The following EPHA4 variants were observed in gnomAD, a reference collection of about 807,000 sequenced individuals.
EPHA4 encodes ephrin type-A receptor 4.
In EPHA4, 19 loss-of-function variants were observed where a neutral mutation model predicts 108.3. The observed-to-expected ratio is 0.18, with a 90% CI of 0.12 to 0.26. EPHA4 has a LOEUF of 0.26. Among genes scored for constraint, EPHA4 ranks in the 10% least tolerant of loss-of-function variants. The pLI is 1.00. For synonymous variants in EPHA4, 449 were observed against 455.5 expected (o/e 0.99, Z 0.18); for missense variants, 917 against 1,254.0 (o/e 0.73, Z 4.06).
chr2:221,518,533 T>G (rs1693055900), intron 3 of EPHA4, among the ~76,000 whole-genome samples: 1 of 152,206 alleles, frequency 6.6e-6, no homozygotes, highest in South Asian at 2.1e-4. Context: ...ACCACAAATA[T>G]GTAGACTAAG....
At position 221,519,065 on chromosome 2, in the gene EPHA4, G is replaced by A. The variant is rs999949607; in HGVS notation, c.824-17893C>T. 3.9e-5 allele frequency among the ~76,000 whole-genome samples: 6 copies of A among 152,288 alleles called. No individual in the cohort carries two copies. In the East Asian group the frequency reaches 1.2e-3, roughly 29 times the overall value. On this transcript the variant is annotated intron_variant, in intron 3 of 17. Coordinates refer to ENST00000281821, the MANE Select transcript of EPHA4 (RefSeq NM_004438.5). ...AATCTTATCAAAGGCAGCCTTGGGA[G>A]CTCAGGCAGATAGGATAAGAGATAA...
chr2:221,540,140 G>A (rs140572007), intron 3 of EPHA4, among the ~76,000 whole-genome samples: 3 of 152,190 alleles, frequency 2.0e-5, no homozygotes, highest in East Asian at 1.9e-4. Context: ...GGCTGGTCTC[G>A]AAATCCTGAC....
intron 2 of EPHA4, among the ~76,000 whole-genome samples, chr2:221,568,356 G>C (rs1488421298): frequency 6.6e-6 from 1 of 151,908 alleles, no homozygotes; most frequent in Non-Finnish European, 1.5e-5. Flanking sequence ...CAGGACAATT[G>C]CTCTTAAATT....
intron 4 of EPHA4, among the ~76,000 whole-genome samples, chr2:221,493,315 C>CAT (rs1436072676): frequency 1.3e-5 from 2 of 152,106 alleles, no homozygotes; most frequent in Non-Finnish European, 2.9e-5. Flanking sequence ...CTAGACATCC[C>CAT]TCCCCAAATC....
At chr2:221,443,673 G>A (rs1690502362) in intron 9 of EPHA4, 67 bp from the exon 10 acceptor site, 1 of 1,178,024 alleles carries the variant, frequency 8.5e-7, no homozygotes, top group Admixed American at 1.8e-5. Flanking sequence ...TAAATAGTCT[G>A]GGTCTAAAAT....
intron 3 of EPHA4, among the ~76,000 whole-genome samples, chr2:221,518,043 G>A (rs1693041581): frequency 6.6e-6 from 1 of 152,216 alleles, no homozygotes; most frequent in Non-Finnish European, 1.5e-5. Context: ...GGTGTGGGCA[G>A]CGCAGTGTTG....
intron 3 of EPHA4, among the ~76,000 whole-genome samples, chr2:221,551,439 A>G (rs1694158584): frequency 6.6e-6 from 1 of 152,146 alleles, no homozygotes; most frequent in African/African-American, 2.4e-5. Context: ...AGTTGCAATA[A>G]AAGTTATGAT....
chr2:221,542,614 C>T (rs967905085), intron 3 of EPHA4, among the ~76,000 whole-genome samples: 1 of 152,156 alleles, frequency 6.6e-6, no homozygotes, highest in Non-Finnish European at 1.5e-5. Flanking sequence ...TATATAAAAA[C>T]AATCAGCCTC....
At position 221,571,891 on chromosome 2, in the gene EPHA4, C is replaced by T. The variant is rs2106217338; in HGVS notation, c.91+267G>A. Among the ~76,000 whole-genome samples, 1 of 152,334 alleles carries T rather than the reference C, an allele frequency of 6.6e-6. No homozygotes were observed. Among genetic ancestry groups the T allele is most frequent in the South Asian group, 2.1e-4 (1 of 4,830 alleles). On this transcript the variant is annotated intron_variant, in intron 1 of 17. Coordinates refer to ENST00000281821, the MANE Select transcript of EPHA4 (RefSeq NM_004438.5). The surrounding 1 kb of genome is among the most constrained non-coding windows in gnomAD (Gnocchi z 6.3). ...CCCTCAGGGCGCCTCGAGCGGGCCTCTCTGGCGGATGCTGATAAACTTTGG... is the reference window on the plus strand; with the variant it reads ...CCCTCAGGGCGCCTCGAGCGGGCCTTTCTGGCGGATGCTGATAAACTTTGG...
intron 3 of EPHA4, among the ~76,000 whole-genome samples, chr2:221,558,397 C>T (rs1694361937): frequency 6.6e-6 from 1 of 151,894 alleles, no homozygotes; most frequent in Non-Finnish European, 1.5e-5. Flanking sequence ...AGCATGCAGT[C>T]CTTTGCTAAT....
At chr2:221,496,088 C>T (rs1449329960) in intron 4 of EPHA4, among the ~76,000 whole-genome samples, 1 of 152,122 alleles carries the variant, frequency 6.6e-6, no homozygotes, top group Non-Finnish European at 1.5e-5. Flanking sequence ...TGCTGCTTCC[C>T]ATCCCCACAT....
chr2:221,514,681 A>G (rs1692938406), intron 3 of EPHA4, among the ~76,000 whole-genome samples: 1 of 152,202 alleles, frequency 6.6e-6, no homozygotes, highest in Non-Finnish European at 1.5e-5. Context: ...GGCATGCAGG[A>G]GAAATACCAA....
intron 2 of EPHA4, 61 bp downstream of exon 2, chr2:221,568,657 T>C (rs1327593571): frequency 1.1e-5 from 16 of 1,405,672 alleles, no homozygotes; most frequent in Non-Finnish European, 1.6e-5. Context: ...ATTAGGACTC[T>C]CAGAAAGTTG....
chr2:221,450,649 A>G (rs1690752391), intron 8 of EPHA4, among the ~76,000 whole-genome samples: 1 of 151,934 alleles, frequency 6.6e-6, no homozygotes, highest in South Asian at 2.1e-4. Context: ...AGTACCTAAT[A>G]TATATATATA....
intron 3 of EPHA4, among the ~76,000 whole-genome samples, chr2:221,517,870 T>C (rs1693036536): frequency 6.6e-6 from 1 of 152,140 alleles, no homozygotes; most frequent in Non-Finnish European, 1.5e-5. Context: ...CACACCTTGA[T>C]AGCAGCTGCA....
At chr2:221,473,992 G>A (rs778321235) in intron 5 of EPHA4, among the ~76,000 whole-genome samples, 2 of 152,124 alleles carry the variant, frequency 1.3e-5, no homozygotes, top group African/African-American at 2.4e-5. Flanking sequence ...AAGGACTCAG[G>A]AAAAATAGTG....
At chr2:221,538,409 A>T (rs996581776) in intron 3 of EPHA4, among the ~76,000 whole-genome samples, 1 of 152,238 alleles carries the variant, frequency 6.6e-6, no homozygotes, top group Non-Finnish European at 1.5e-5. Flanking sequence ...GTGTAATGTC[A>T]CTTTTCTGGA....
At chr2:221,440,660 C>T (rs1315201608) in intron 11 of EPHA4, among the ~76,000 whole-genome samples, 2 of 147,468 alleles carry the variant, frequency 1.4e-5, no homozygotes, top group African/African-American at 5.0e-5. Flanking sequence ...GTACCTACTT[C>T]TTAAGACATA....
intron 4 of EPHA4, among the ~76,000 whole-genome samples, chr2:221,484,473 T>A (rs1361775110): frequency 1.3e-5 from 2 of 152,148 alleles, no homozygotes; most frequent in Non-Finnish European, 2.9e-5. Context: ...ATGCAAACCT[T>A]TAAAACATTT....
Sources: allele counts gnomAD v4.1 joint callset (sites outside exome capture counted in the v4.1 genomes callset), GRCh38; gene constraint gnomAD v4.1.1; non-coding constraint Gnocchi (gnomAD v3.1); transcripts MANE v1.5; gene names NCBI Gene and HGNC (gene_info 2026-07-23, HGNC 2026-07-21).